The following DCC variants were observed in gnomAD, a reference collection of about 807,000 sequenced individuals.
DCC encodes DCC netrin 1 receptor, also known as netrin receptor DCC.
In DCC, 58 loss-of-function variants were observed where a neutral mutation model predicts 172.5. That is an observed-to-expected ratio of 0.34 (90% CI 0.27 to 0.42). The LOEUF is 0.42. DCC is among the 10% of genes least tolerant of loss of function. DCC has a pLI of 1.00. For synonymous variants in DCC, 709 were observed against 644.5 expected (o/e 1.10, Z -1.52); for missense variants, 1,740 against 1,791.0 (o/e 0.97, Z 0.51).
intron 14 of DCC, among the ~76,000 whole-genome samples, chr18:53,329,779 T>C (rs2057509638): frequency 6.6e-6 from 1 of 152,036 alleles, no homozygotes; most frequent in African/African-American, 2.4e-5. Context: ...TGTAAAAGAA[T>C]CCCAAGAAAT....
chr18:52,887,806 A>AT (rs1025662380), intron 2 of DCC, among the ~76,000 whole-genome samples: 5 of 152,142 alleles, frequency 3.3e-5, no homozygotes, highest in Non-Finnish European at 5.9e-5. Flanking sequence ...TTTAAATCCA[A>AT]TTTTTCTCAG....
intron 2 of DCC, among the ~76,000 whole-genome samples, chr18:52,890,496 T>C: frequency 6.6e-6 from 1 of 152,110 alleles, no homozygotes; most frequent in East Asian, 1.9e-4. Context: ...GGTAAGAAAT[T>C]TGGAAAATAT....
intron 5 of DCC, among the ~76,000 whole-genome samples, chr18:52,994,416 G>A (rs1480452144): frequency 6.6e-6 from 1 of 152,044 alleles, no homozygotes; most frequent in Non-Finnish European, 1.5e-5. Context: ...AATTAAACAA[G>A]GAAGAGAAAA....
At chr18:53,064,328 G>T (rs933457893) in intron 6 of DCC, among the ~76,000 whole-genome samples, 1 of 152,114 alleles carries the variant, frequency 6.6e-6, no homozygotes, top group African/African-American at 2.4e-5. Context: ...TTAGGTATAT[G>T]AATATATGAG....
At chr18:53,383,883 T>C (rs764808071) in intron 15 of DCC, among the ~76,000 whole-genome samples, 3 of 152,144 alleles carry the variant, frequency 2.0e-5, no homozygotes, top group East Asian at 1.9e-4. Context: ...ATTTGCTTTA[T>C]TCCATATTAC....
intron 2 of DCC, among the ~76,000 whole-genome samples, chr18:52,754,466 A>G (rs2037046686): frequency 6.6e-6 from 1 of 152,164 alleles, no homozygotes; most frequent in Non-Finnish European, 1.5e-5. Flanking sequence ...TGCCGTTATA[A>G]AAGTAACCAC....
At chr18:53,191,021 G>A (rs1403807711) in intron 9 of DCC, among the ~76,000 whole-genome samples, 3 of 152,232 alleles carry the variant, frequency 2.0e-5, no homozygotes, top group Non-Finnish European at 2.9e-5. Flanking sequence ...TATACTAACC[G>A]TCATGCCAAC....
At chr18:53,103,646 C>T (rs886781608) in intron 7 of DCC, among the ~76,000 whole-genome samples, 3 of 152,052 alleles carry the variant, frequency 2.0e-5, no homozygotes, top group Admixed American at 6.6e-5. Context: ...TCAGCTGTCC[C>T]CAGAACACTT....
intron 13 of DCC, among the ~76,000 whole-genome samples, chr18:53,320,070 C>CTTTTT (rs35150045): frequency 9.1e-6 from 1 of 109,626 alleles, no homozygotes; most frequent in Non-Finnish European, 1.8e-5. Flanking sequence ...CGCAAGAGTA[C>CTTTTT]TTTTTTTTTT....
At chr18:53,490,205 T>A (rs1056648141) in intron 26 of DCC, among the ~76,000 whole-genome samples, 1 of 149,488 alleles carries the variant, frequency 6.7e-6, no homozygotes, top group Admixed American at 6.6e-5. Context: ...GTTCATAGAG[T>A]AATCTCTAGG....
chr18:52,463,234 T>G (rs557954697), intron 1 of DCC, among the ~76,000 whole-genome samples: 73 of 152,236 alleles, frequency 4.8e-4, no homozygotes, highest in African/African-American at 1.6e-3. Context: ...TGATTGTGAC[T>G]TCATGATTAC....
At chr18:52,775,349 T>C (rs2037411306) in intron 2 of DCC, among the ~76,000 whole-genome samples, 1 of 152,170 alleles carries the variant, frequency 6.6e-6, no homozygotes, top group Non-Finnish European at 1.5e-5. Context: ...GGTGCTCTCT[T>C]AGTTTGCTGT....
chr18:53,464,427 T>C (rs2045594164), intron 24 of DCC, among the ~76,000 whole-genome samples: 1 of 152,172 alleles, frequency 6.6e-6, no homozygotes, highest in Admixed American at 6.5e-5. Context: ...TTGAATTATA[T>C]ACATGTCTAT....
At chr18:52,415,631 T>C (rs12960771) in intron 1 of DCC, among the ~76,000 whole-genome samples, 12,884 of 152,086 alleles carry the variant, frequency 0.085, 734 homozygotes, top group Middle Eastern at 0.12. Flanking sequence ...TGCGAGAGTA[T>C]GGAGAGGTGA....
chr18:52,788,022 C>A (rs1598802675), intron 2 of DCC, among the ~76,000 whole-genome samples: 2 of 152,130 alleles, frequency 1.3e-5, no homozygotes, highest in South Asian at 4.1e-4. Flanking sequence ...AGGTTAGTGT[C>A]TTAAGACAGT....
intron 2 of DCC, among the ~76,000 whole-genome samples, chr18:52,829,026 C>A (rs538821876): frequency 6.6e-6 from 1 of 152,274 alleles, no homozygotes; most frequent in South Asian, 2.1e-4. Flanking sequence ...AATTAAAATA[C>A]AATTAGGTCA....
intron 2 of DCC, among the ~76,000 whole-genome samples, chr18:52,817,353 A>G (rs1182008927): frequency 6.6e-6 from 1 of 152,046 alleles, no homozygotes; most frequent in African/African-American, 2.4e-5. Flanking sequence ...TAGCATCGAA[A>G]TTTTATAGAT....
rs569384373 is a variant in DCC at position 52,758,399 on chromosome 18, A to G, written c.412+6025A>G. On this transcript the variant is annotated intron_variant, in intron 2 of 28. Transcript: ENST00000442544. ...TTGACTTGTTATTTCATTCAGGGAC[A>G]TATTTTTTTCTTCCCTATTACAATA... 4.6e-5 allele frequency among the ~76,000 whole-genome samples: 7 copies of G among 152,282 alleles called. No individual in the cohort carries two copies. In the East Asian group the frequency reaches 7.7e-4, roughly 17 times the overall value.
At chr18:53,169,890 G>A (rs1436001361) in intron 8 of DCC, among the ~76,000 whole-genome samples, 1 of 152,176 alleles carries the variant, frequency 6.6e-6, no homozygotes, top group African/African-American at 2.4e-5. Context: ...CTGCTTCATG[G>A]AAAATTTACT....
Sources: gnomAD v4.1 joint callset for allele counts (sites outside exome capture counted in the v4.1 genomes callset) on GRCh38, gnomAD v4.1.1 for gene constraint, MANE v1.5 for transcripts, NCBI Gene and HGNC (gene_info 2026-07-23, HGNC 2026-07-21) for gene names.